RAB3GAP2: variants seen among roughly 807,000 people sequenced by gnomAD.
RAB3GAP2 encodes rab3 GTPase-activating protein non-catalytic subunit.
A neutral mutation model predicts 185.3 loss-of-function variants in RAB3GAP2; 87 were observed. The ratio of observed to expected loss-of-function variants is 0.47; its 90% CI spans 0.39 to 0.56. The LOEUF (loss-of-function observed/expected upper bound fraction) is 0.56. Ranked by LOEUF, RAB3GAP2 falls within the 20% of genes least tolerant of loss-of-function variation. The probability of loss-of-function intolerance (pLI) is 0.00; values close to 1 mark genes in which losing one functional copy is unlikely to be tolerated. For synonymous variants in RAB3GAP2, 554 were observed against 576.1 expected (o/e 0.96, Z 0.55); for missense variants, 1,492 against 1,638.2 (o/e 0.91, Z 1.54).
In RAB3GAP2 at chr1:220,213,937, G is replaced by A. The variant is rs1659134464; in HGVS notation, c.223C>T (p.Leu75Phe). The part of the protein sequence containing the change: ...NTCKTQKTSW[L>F]QDCVLSLSPT... ...GATAAGGATAAAACACAATCTTGGA[G>A]CCAGGAAGTTTTTTGTGTTTTGCAA... is the stretch of plus-strand genomic sequence containing the variant. The change falls in exon 3 of 35, where the codon CTC (leucine) becomes TTC (phenylalanine). Residue 75 changes from leucine to phenylalanine, a missense_variant. By Grantham distance (22) the Leu-to-Phe change is conservative. Transcript: ENST00000358951. 6.2e-7 allele frequency: 1 copy of A among 1,612,994 alleles called. No homozygotes were observed. Among genetic ancestry groups the A allele is most frequent in the African/African-American group, 1.3e-5 (1 of 74,898 alleles).
Position 220,225,077 on chromosome 1 carries a change from T to C in RAB3GAP2, c.180+7722A>G, listed in dbSNP as rs187869784. On this transcript the variant is annotated intron_variant, in intron 2 of 34. Transcript: ENST00000358951. Reference sequence around the variant, plus strand: ...GCAGGAATGCCTAAGGAGCGCAGATTTGAACTAAAATTAACAGTTATAAAC... The same window carrying C: ...GCAGGAATGCCTAAGGAGCGCAGATCTGAACTAAAATTAACAGTTATAAAC... Among the ~76,000 whole-genome samples, 12 of 152,250 alleles carry C rather than the reference T, an allele frequency of 7.9e-5. No individual in the cohort carries two copies. In the East Asian group the frequency reaches 2.3e-3, roughly 29 times the overall value.
chr1:220,235,757 G>A (rs1385898651), intron 1 of RAB3GAP2, among the ~76,000 whole-genome samples: 1 of 152,096 alleles, frequency 6.6e-6, no homozygotes, highest in African/African-American at 2.4e-5. Flanking sequence ...TAAGCAAATA[G>A]AAGACAGCAG....
In RAB3GAP2 at chr1:220,267,059, T is replaced by A; in HGVS notation, c.115+5164A>T. ...TAGTCCAGGGTGCCACAGAGAGTGG[T>A]CCTCCTGGAAGATGGAGCATGTTCT... On this transcript the variant is annotated intron_variant, in intron 1 of 34. Coordinates refer to ENST00000358951, the MANE Select transcript of RAB3GAP2 (RefSeq NM_012414.4). The A allele has an allele frequency of 1.9e-6, 3 of 1,607,282 alleles. No homozygotes were observed. The South Asian group carries it at 3.3e-5, about 18-fold the overall frequency.
chr1:220,213,754 G>T (rs1659129615), intron 3 of RAB3GAP2, 102 bp downstream of exon 3: 12 of 1,140,350 alleles, frequency 1.1e-5, no homozygotes, highest in Non-Finnish European at 1.5e-5. Flanking sequence ...GAGAGAGAGA[G>T]AAATAAATAA....
chr1:220,249,071 G>A (rs897627946), intron 1 of RAB3GAP2, among the ~76,000 whole-genome samples: 1 of 152,162 alleles, frequency 6.6e-6, no homozygotes, highest in African/African-American at 2.4e-5. Flanking sequence ...TACTGGAAGT[G>A]GGGTGCTGCC....
At chr1:220,247,434 T>A (rs189823988) in intron 1 of RAB3GAP2, among the ~76,000 whole-genome samples, 1 of 152,270 alleles carries the variant, frequency 6.6e-6, no homozygotes, top group East Asian at 1.9e-4. Flanking sequence ...TATTAAGGAA[T>A]GAAATAATGT....
intron 13 of RAB3GAP2, among the ~76,000 whole-genome samples, chr1:220,191,899 C>T (rs1658630867): frequency 6.6e-6 from 1 of 151,920 alleles, no homozygotes; most frequent in African/African-American, 2.4e-5. Flanking sequence ...TCCCTTCCCA[C>T]ACAAGCCTTT....
At chr1:220,212,826 A>T in intron 4 of RAB3GAP2, 61 bp downstream of exon 4, 1 of 1,329,606 alleles carries the variant, frequency 7.5e-7, no homozygotes, top group East Asian at 2.3e-5. Flanking sequence ...TTCACCTACA[A>T]GTCAAATAAT....
intron 21 of RAB3GAP2, among the ~76,000 whole-genome samples, chr1:220,173,018 A>C (rs1351209174): frequency 6.6e-6 from 1 of 152,202 alleles, no homozygotes; most frequent in Non-Finnish European, 1.5e-5. Flanking sequence ...TCTATTAAGG[A>C]GCATATTACC....
chr1:220,167,837 T>A (rs149002918), intron 24 of RAB3GAP2, among the ~76,000 whole-genome samples, 162 bp from the exon 25 acceptor site: 1 of 152,190 alleles, frequency 6.6e-6, no homozygotes, highest in African/African-American at 2.4e-5. Context: ...TGTTCCTACC[T>A]ACCACGCAAC....
At position 220,263,521 on chromosome 1, in the gene RAB3GAP2, C is replaced by T. The variant is rs1660177879; in HGVS notation, c.115+8702G>A. On this transcript the variant is annotated intron_variant, in intron 1 of 34. Transcript: ENST00000358951. ...TTTTGCATATGGATAGCCATTTCCT[C>T]TAACATCATATATTCAAGAAGCTGT... 2.6e-5 allele frequency among the ~76,000 whole-genome samples: 4 copies of T among 152,090 alleles called. 1 individual carries two copies. In the South Asian group the frequency reaches 8.3e-4, roughly 31 times the overall value.
intron 17 of RAB3GAP2, among the ~76,000 whole-genome samples, 185 bp downstream of exon 17, chr1:220,189,515 ATTT>A (rs35162828): frequency 2.1e-4 from 30 of 145,348 alleles, no homozygotes; most frequent in South Asian, 2.2e-4. Context: ...ATGAATATTA[ATTT>A]TTTTTTTTTT....
At chr1:220,176,856 C>T (rs536103609) in intron 21 of RAB3GAP2, among the ~76,000 whole-genome samples, 1 of 152,336 alleles carries the variant, frequency 6.6e-6, no homozygotes, top group East Asian at 1.9e-4. Context: ...ACACCAGCCT[C>T]CATTCCCACA....
chr1:220,261,934 C>T (rs776028994), intron 1 of RAB3GAP2, among the ~76,000 whole-genome samples: 2 of 151,818 alleles, frequency 1.3e-5, no homozygotes, highest in African/African-American at 2.4e-5. Flanking sequence ...GCAGCTTTGT[C>T]GCGTTTTTAA....
chr1:220,167,733 C>A, intron 24 of RAB3GAP2, 58 bp from the exon 25 acceptor site: 1 of 1,507,650 alleles, frequency 6.6e-7, no homozygotes. Flanking sequence ...GCAGTGTTTG[C>A]CAATGGGAGC....
At chr1:220,268,703 T>C (rs1000609596) in intron 1 of RAB3GAP2, among the ~76,000 whole-genome samples, 3 of 152,218 alleles carry the variant, frequency 2.0e-5, no homozygotes, top group African/African-American at 4.8e-5. Context: ...AATATCAACA[T>C]ACATAAACTC....
intron 28 of RAB3GAP2, 110 bp from the exon 29 acceptor site, chr1:220,159,531 T>A: frequency 1.2e-6 from 1 of 802,340 alleles, no homozygotes; most frequent in Non-Finnish European, 2.0e-6. Context: ...AATGGCGCTA[T>A]AAGTAAATGT....
At chr1:220,164,338 C>A (rs1393188979) in intron 27 of RAB3GAP2, among the ~76,000 whole-genome samples, 1 of 151,890 alleles carries the variant, frequency 6.6e-6, no homozygotes, top group Non-Finnish European at 1.5e-5. Flanking sequence ...CTTCATTACA[C>A]TCAGGGATAG....
intron 24 of RAB3GAP2, among the ~76,000 whole-genome samples, chr1:220,169,000 T>TGTGC (rs1473667424): frequency 6.6e-6 from 1 of 152,210 alleles, no homozygotes; most frequent in Admixed American, 6.5e-5. Context: ...ATGTGAGCAG[T>TGTGC]GTGCTGGGTG....
Sources: gnomAD v4.1 joint callset for allele counts (sites outside exome capture counted in the v4.1 genomes callset) on GRCh38, gnomAD v4.1.1 for gene constraint, MANE v1.5 for transcripts, NCBI Gene and HGNC (gene_info 2026-07-23, HGNC 2026-07-21) for gene names.